Variants in SOX5 observed in about 807,000 individuals in gnomAD.
SOX5 encodes the protein transcription factor SOX-5.
In SOX5, 9 loss-of-function variants were observed where a neutral mutation model predicts 92.0. The ratio of observed to expected loss-of-function variants is 0.10; its 90% CI spans 0.06 to 0.17. The LOEUF (loss-of-function observed/expected upper bound fraction) is 0.17. Among genes scored for constraint, SOX5 ranks in the 10% least tolerant of loss-of-function variants. The probability of loss-of-function intolerance (pLI) is 1.00; values close to 1 mark genes in which losing one functional copy is unlikely to be tolerated. For synonymous variants in SOX5, 344 were observed against 336.3 expected, an observed-to-expected ratio of 1.02 and a Z score of -0.25; for missense variants, 642 against 944.5, an observed-to-expected ratio of 0.68 and a Z score of 4.20.
chr12:24,535,287 CA>C (rs1197276990), intron 1 of SOX5, among the ~76,000 whole-genome samples: 1 of 152,190 alleles, frequency 6.6e-6, no homozygotes, highest in Non-Finnish European at 1.5e-5. Flanking sequence ...CCCACATAGG[CA>C]GAAATACTAA....
At chr12:24,486,244 C>T (rs1946511895) in intron 1 of SOX5, among the ~76,000 whole-genome samples, 1 of 152,132 alleles carries the variant, frequency 6.6e-6, no homozygotes, top group African/African-American at 2.4e-5. Context: ...GCCCCCTATG[C>T]CTTCAGTAGA....
At chr12:24,233,154 G>A (rs898083533) in intron 3 of SOX5, among the ~76,000 whole-genome samples, 2 of 152,046 alleles carry the variant, frequency 1.3e-5, no homozygotes, top group African/African-American at 2.4e-5. Context: ...TGTGAAAACC[G>A]ATAGAAAATA....
Position 24,440,282 on chromosome 12 carries a change from A to C in SOX5, c.-250-71643T>G, listed in dbSNP as rs139641132. ...GGAACCCCCTCAACTTCTACCTTAG[A>C]TAATCTACTCTAGTCTCTTTCTGCT... On this transcript the variant is annotated intron_variant, in intron 1 of 4. Coordinates refer to the SOX5 transcript ENST00000446891. Among the ~76,000 whole-genome samples, 563 of 152,220 alleles carry C rather than the reference A, an allele frequency of 3.7e-3. 5 individuals are homozygous for C. The highest frequency in any genetic ancestry group is 0.013 in the African/African-American group (526 of 41,534).
At chr12:23,786,623 G>A (rs150563744) in intron 3 of SOX5, among the ~76,000 whole-genome samples, 1,774 of 110,160 alleles carry the variant, frequency 0.016, 198 homozygotes, top group Non-Finnish European at 0.023. Context: ...TATCAATCAC[G>A]TATTATTTTT....
intron 4 of SOX5, among the ~76,000 whole-genome samples, chr12:24,182,933 T>C (rs1045483874): frequency 6.6e-6 from 1 of 152,148 alleles, no homozygotes; most frequent in African/African-American, 2.4e-5. Context: ...AGGCTGATCT[T>C]GAACTCCTGG....
At chr12:24,325,200 A>G (rs1950563866) in intron 2 of SOX5, among the ~76,000 whole-genome samples, 1 of 152,148 alleles carries the variant, frequency 6.6e-6, no homozygotes, top group African/African-American at 2.4e-5. Context: ...TGAACATAAT[A>G]GAAAGTTATA....
intron 8 of SOX5, among the ~76,000 whole-genome samples, chr12:23,623,587 A>C (rs2077427322): frequency 6.6e-6 from 1 of 152,174 alleles, no homozygotes; most frequent in Admixed American, 6.6e-5. Flanking sequence ...TAAAGTGAGA[A>C]ATATTACAAA....
At chr12:24,152,318 C>T (rs1325017951) in intron 4 of SOX5, among the ~76,000 whole-genome samples, 1 of 152,068 alleles carries the variant, frequency 6.6e-6, no homozygotes, top group African/African-American at 2.4e-5. Context: ...CCCAATCCAG[C>T]ATGACTTTCA....
chr12:24,186,609 C>T lies in SOX5; in HGVS notation c.-2+26734G>A, dbSNP rs1430400928. Among the ~76,000 whole-genome samples, 49 of 151,928 alleles carry T rather than the reference C, an allele frequency of 3.2e-4. 2 individuals carry two copies. The highest frequency in any genetic ancestry group is 2.6e-3 in the Admixed American group (40 of 15,242). ...GGGATTGGATGCATTAACTCTGGTACATATAGAAGATACTGTGATATGAAA... is the reference window on the plus strand; with the variant it reads ...GGGATTGGATGCATTAACTCTGGTATATATAGAAGATACTGTGATATGAAA... On this transcript the variant is annotated intron_variant, in intron 4 of 4. Coordinates refer to the SOX5 transcript ENST00000446891.
intron 4 of SOX5, among the ~76,000 whole-genome samples, chr12:24,006,689 A>G (rs1235026752): frequency 6.6e-6 from 1 of 151,960 alleles, no homozygotes; most frequent in Admixed American, 6.6e-5. Flanking sequence ...ATTCTCCGAT[A>G]TTACCTTTAT....
chr12:24,385,946 G>A (rs12299730), intron 1 of SOX5, among the ~76,000 whole-genome samples: 45,965 of 108,812 alleles, frequency 0.42, 10,338 homozygotes, highest in South Asian at 0.53. Context: ...AAAAAAAAAA[G>A]AGAGAGAGAT....
At chr12:23,671,955 C>T (rs904051548) in intron 6 of SOX5, among the ~76,000 whole-genome samples, 15 of 151,850 alleles carry the variant, frequency 9.9e-5, no homozygotes, top group African/African-American at 3.4e-4. Context: ...TTTTAAAAAT[C>T]GTTTCCAAGG....
chr12:24,012,172 A>G (rs763443868), intron 4 of SOX5, among the ~76,000 whole-genome samples: 7 of 152,182 alleles, frequency 4.6e-5, no homozygotes, highest in Non-Finnish European at 8.8e-5. Context: ...TTAATTTGCA[A>G]ATGGGTTATT....
At chr12:24,389,781 A>G (rs1305140488) in intron 1 of SOX5, among the ~76,000 whole-genome samples, 3 of 152,176 alleles carry the variant, frequency 2.0e-5, no homozygotes, top group African/African-American at 7.2e-5. Flanking sequence ...ATGAGGTTTA[A>G]CATTTGAAGG....
At chr12:23,830,201 G>C (rs1344442326) in intron 3 of SOX5, among the ~76,000 whole-genome samples, 1 of 152,160 alleles carries the variant, frequency 6.6e-6, no homozygotes. Context: ...TATTCCTGAA[G>C]AAATAGGCTC....
intron 9 of SOX5, among the ~76,000 whole-genome samples, chr12:23,580,297 A>G (rs537906372): frequency 1.1e-3 from 161 of 152,224 alleles, no homozygotes; most frequent in African/African-American, 3.7e-3. Context: ...AAAGGCACTG[A>G]TGGAATATAA....
chr12:24,551,183 T>A (rs1445812268), intron 1 of SOX5, among the ~76,000 whole-genome samples: 1 of 152,174 alleles, frequency 6.6e-6, no homozygotes, highest in Non-Finnish European at 1.5e-5. Flanking sequence ...CAAGTTCCCA[T>A]CTCCCCCCAG....
intron 4 of SOX5, among the ~76,000 whole-genome samples, chr12:24,195,054 T>C (rs1455407758): frequency 1.3e-5 from 2 of 151,912 alleles, no homozygotes; most frequent in South Asian, 2.1e-4. Flanking sequence ...ATATTGTGTT[T>C]GAGGGATTAC....
intron 4 of SOX5, among the ~76,000 whole-genome samples, chr12:24,038,279 C>T (rs1396621566): frequency 1.3e-5 from 2 of 152,118 alleles, no homozygotes; most frequent in Admixed American, 6.5e-5. Context: ...ATGTGGAATT[C>T]ACTGGCCCTG....
Sources: allele counts gnomAD v4.1 joint callset (sites outside exome capture counted in the v4.1 genomes callset), GRCh38; gene constraint gnomAD v4.1.1; transcripts MANE v1.5; gene names NCBI Gene and HGNC (gene_info 2026-07-23, HGNC 2026-07-21).